Variants in FBXL4 observed in about 807,000 individuals in gnomAD.
FBXL4 encodes F-box and leucine rich repeat protein 4.
A neutral mutation model predicts 58.9 loss-of-function variants in FBXL4; 40 were observed. That is an observed-to-expected ratio of 0.68 (90% CI 0.53 to 0.88). The LOEUF (loss-of-function observed/expected upper bound fraction) is 0.88, where lower values mean the gene tolerates loss of function less well. Among genes scored for constraint, FBXL4 ranks in the 40% least tolerant of loss-of-function variants. The probability of loss-of-function intolerance (pLI) is 0.00; values close to 1 mark genes in which losing one functional copy is unlikely to be tolerated. For missense variants in FBXL4, 676 were observed against 734.4 expected (o/e 0.92, Z 0.92); for synonymous variants, 263 against 265.5 (o/e 0.99, Z 0.09).
intron 5 of FBXL4, among the ~76,000 whole-genome samples, chr6:98,911,228 G>A (rs559269022): frequency 1.3e-5 from 2 of 152,324 alleles, no homozygotes; most frequent in East Asian, 1.9e-4. Flanking sequence ...ACCTGCCTCT[G>A]TAGGCTCCAC....
chr6:98,898,916 C>T (rs1771502774), intron 7 of FBXL4: 91 of 985,238 alleles, frequency 9.2e-5, no homozygotes, highest in Non-Finnish European at 1.1e-4. Context: ...TTTGCTTCCT[C>T]CCACTGCAAG....
rs1305992344 is a variant in FBXL4 at position 98,869,085 on chromosome 6, A to G, written c.*5193T>C. Reference sequence around the variant, plus strand: ...TTCTAACAGTTATGGTTTTACACTCACAGCCTAGGTTTCTAGTAGTATGTT... The same window carrying G: ...TTCTAACAGTTATGGTTTTACACTCGCAGCCTAGGTTTCTAGTAGTATGTT... On this transcript the variant is annotated 3_prime_UTR_variant, in exon 10 of 10. Coordinates refer to ENST00000369244, the MANE Select transcript of FBXL4 (RefSeq NM_001278716.2). 1.3e-5 allele frequency: 2 copies of G among 152,186 alleles called. No homozygotes were observed. The highest frequency in any genetic ancestry group is 2.9e-5 in the Non-Finnish European group (2 of 68,030). 9.4% of individuals were successfully genotyped at this position (152,186 alleles called of 1,614,324 possible). A position where few individuals can be genotyped will look rare whatever the true frequency, so the allele number is the denominator to read the frequency against.
intron 4 of FBXL4, among the ~76,000 whole-genome samples, chr6:98,918,603 T>C (rs1370956858): frequency 6.6e-6 from 1 of 152,034 alleles, no homozygotes; most frequent in Non-Finnish European, 1.5e-5. Flanking sequence ...AATATACTCA[T>C]ATGTCAGTTA....
chr6:98,928,062 G>T (rs569655714), intron 2 of FBXL4, among the ~76,000 whole-genome samples: 1 of 152,106 alleles, frequency 6.6e-6, no homozygotes, highest in Non-Finnish European at 1.5e-5. Flanking sequence ...AACTATGTTT[G>T]TATACATATT....
chr6:98,894,055 T>TG (rs1197083862), intron 7 of FBXL4, among the ~76,000 whole-genome samples: 2 of 152,090 alleles, frequency 1.3e-5, no homozygotes, highest in African/African-American at 4.8e-5. Context: ...TCTGTAGAGA[T>TG]GGGGTCTTGC....
At chr6:98,874,573 C>T in intron 9 of FBXL4, 132 bp from the exon 10 acceptor site, 1 of 1,045,902 alleles carries the variant, frequency 9.6e-7, no homozygotes, top group Non-Finnish European at 1.3e-6. Flanking sequence ...AAATTAAAAT[C>T]ATTTTTTCAA....
chr6:98,876,499 T>C (rs1360425826), intron 8 of FBXL4, among the ~76,000 whole-genome samples: 1 of 152,220 alleles, frequency 6.6e-6, no homozygotes, highest in Non-Finnish European at 1.5e-5. Flanking sequence ...ATTACAATGA[T>C]TATTTCTTTT....
chr6:98,885,968 G>A (rs1160202738), intron 7 of FBXL4, among the ~76,000 whole-genome samples: 3 of 152,122 alleles, frequency 2.0e-5, no homozygotes, highest in Admixed American at 2.0e-4. Flanking sequence ...GGGAACAGGG[G>A]CCTCTGGTCA....
rs965021687 is a variant in FBXL4, at chr6:98,906,680, T to C, written c.859-1010A>G. Among the ~76,000 whole-genome samples the C allele has an allele frequency of 5.3e-5, 8 of 152,340 alleles. 1 individual carries two copies. The highest frequency in any genetic ancestry group is 4.1e-4 in the South Asian group (2 of 4,826). The stretch of plus-strand genomic sequence containing the variant: ...AGAATGATTTATAATCCTTGGGGTA[T>C]ATACCCAGTAATGGGATTGCTGGGT... On this transcript the variant is annotated intron_variant, in intron 5 of 9. Coordinates refer to ENST00000369244, the MANE Select transcript of FBXL4 (RefSeq NM_001278716.2).
At chr6:98,896,176 T>C (rs537058325) in intron 7 of FBXL4, among the ~76,000 whole-genome samples, 4 of 152,308 alleles carry the variant, frequency 2.6e-5, no homozygotes, top group African/African-American at 7.2e-5. Context: ...GCCAGTGATT[T>C]TGTGGAACAT....
chr6:98,940,096 GT>G (rs1773378102), intron 1 of FBXL4, among the ~76,000 whole-genome samples: 1 of 152,078 alleles, frequency 6.6e-6, no homozygotes, highest in Non-Finnish European at 1.5e-5. Context: ...TTTTGAAAAA[GT>G]TTAATTTTTT....
At chr6:98,935,779 G>A (rs937523437) in intron 1 of FBXL4, among the ~76,000 whole-genome samples, 1 of 122,100 alleles carries the variant, frequency 8.2e-6, no homozygotes, top group Non-Finnish European at 1.6e-5. Context: ...CTGGGCGACA[G>A]AGCGAGACTC....
intron 5 of FBXL4, among the ~76,000 whole-genome samples, chr6:98,915,117 G>A (rs933208484): frequency 5.9e-5 from 9 of 152,222 alleles, no homozygotes; most frequent in East Asian, 3.9e-4. Context: ...TACAAGGGAC[G>A]TGAAGGACCT....
rs556890259 is a variant in FBXL4 at position 98,907,259 on chromosome 6, T to C, written c.859-1589A>G. Among the ~76,000 whole-genome samples the C allele has an allele frequency of 5.6e-4, 86 of 152,294 alleles. 1 individual carries two copies. The South Asian group carries it at 0.011, about 19-fold the overall frequency. The stretch of plus-strand genomic sequence containing the variant: ...GAGCTTGGATTTATCCTGAAAGCAA[T>C]GAGGAGTCCTGAAGGGTTTTAAACT... On this transcript the variant is annotated intron_variant, in intron 5 of 9. Coordinates refer to ENST00000369244, the MANE Select transcript of FBXL4 (RefSeq NM_001278716.2).
At chr6:98,877,765 G>C (rs529290027) in intron 8 of FBXL4, among the ~76,000 whole-genome samples, 5 of 152,144 alleles carry the variant, frequency 3.3e-5, no homozygotes, top group Admixed American at 2.6e-4. Flanking sequence ...TAGCAGGTAG[G>C]TCTTAGGATT....
At chr6:98,889,607 G>C (rs2128384467) in intron 7 of FBXL4, among the ~76,000 whole-genome samples, 1 of 150,782 alleles carries the variant, frequency 6.6e-6, no homozygotes, top group African/African-American at 2.4e-5. Flanking sequence ...CTTGAACCTG[G>C]CAGGCAGAGG....
At chr6:98,917,844 A>G in intron 4 of FBXL4, 125 bp from the exon 5 acceptor site, 2 of 641,998 alleles carry the variant, frequency 3.1e-6, no homozygotes, top group Non-Finnish European at 5.0e-6. Flanking sequence ...ATAGAATCCA[A>G]TATAAGTATT....
chr6:98,923,812 G>C (rs1362842441), intron 4 of FBXL4, among the ~76,000 whole-genome samples: 1 of 151,940 alleles, frequency 6.6e-6, no homozygotes, highest in Non-Finnish European at 1.5e-5. Context: ...ACTGAATCTG[G>C]GCAGAAGAAT....
chr6:98,912,534 A>G (rs891008949), intron 5 of FBXL4, among the ~76,000 whole-genome samples: 2 of 152,212 alleles, frequency 1.3e-5, no homozygotes, highest in East Asian at 1.9e-4. Flanking sequence ...ACATTCTTAA[A>G]GAAAATAATT....
Sources: gnomAD v4.1 joint callset for allele counts (sites outside exome capture counted in the v4.1 genomes callset) on GRCh38, gnomAD v4.1.1 for gene constraint, MANE v1.5 for transcripts, NCBI Gene and HGNC (gene_info 2026-07-23, HGNC 2026-07-21) for gene names.